The following GDI2 variants were observed in gnomAD, a reference collection of about 807,000 sequenced individuals.
GDI2 encodes rab GDP dissociation inhibitor beta.
GDI2 carries 22 observed loss-of-function variants against 54.2 expected under a neutral mutation model. The observed-to-expected ratio is 0.41, with a 90% CI of 0.29 to 0.58. The LOEUF (loss-of-function observed/expected upper bound fraction) is 0.58. Among genes scored for constraint, GDI2 ranks in the 20% least tolerant of loss-of-function variants. The probability of loss-of-function intolerance (pLI) is 0.35; values close to 1 mark genes in which losing one functional copy is unlikely to be tolerated. For synonymous variants in GDI2, 177 were observed against 182.1 expected (o/e 0.97, Z 0.23); for missense variants, 422 against 546.0 (o/e 0.77, Z 2.26).
chr10:5,812,241 A>G (rs1588993865), intron 1 of GDI2, among the ~76,000 whole-genome samples: 1 of 152,214 alleles, frequency 6.6e-6, no homozygotes, highest in African/African-American at 2.4e-5. Flanking sequence ...AGTACAAACT[A>G]CAGAACCTGC....
intron 7 of GDI2, chr10:5,769,266 A>C (rs1020023678): frequency 5.3e-5 from 8 of 152,120 alleles, no homozygotes; most frequent in African/African-American, 1.9e-4. Flanking sequence ...AACAAAAAAA[A>C]CCCTGATTCA....
At chr10:5,778,164 A>G (rs1250534433) in intron 6 of GDI2, among the ~76,000 whole-genome samples, 1 of 152,198 alleles carries the variant, frequency 6.6e-6, no homozygotes, top group Admixed American at 6.5e-5. Context: ...GGATAGCACT[A>G]GAAGTACCTA....
At chr10:5,812,896 C>T (rs1248405264) in intron 1 of GDI2, among the ~76,000 whole-genome samples, 1 of 152,216 alleles carries the variant, frequency 6.6e-6, no homozygotes, top group African/African-American at 2.4e-5. Flanking sequence ...GGACCCTTGG[C>T]CCGGGCGGCC....
rs377006799 is a variant in GDI2, at chr10:5,768,224, T to C, written c.980A>G (p.Asn327Ser). ...TCTTCAAACCTCACCTGACTTTCGA[T>C]TGACTTGGTTCTGTGGAATAATGAT... ...CQIIIPQNQV[N>S]RKSDIYVCMI... The change falls in exon 8 of 11, where the codon AAT (asparagine) becomes AGT (serine). Residue 327 changes from asparagine (N) to serine (S), a missense_variant. Coordinates refer to ENST00000380191, the MANE Select transcript of GDI2 (RefSeq NM_001494.4). The surrounding 1 kb of genome is among the most constrained non-coding windows in gnomAD (Gnocchi z 4.4). 1.1e-5 allele frequency: 18 copies of C among 1,612,480 alleles called. No homozygotes were observed. The highest frequency in any genetic ancestry group is 7.7e-5 in the South Asian group (7 of 90,968).
chr10:5,773,495 G>A (rs539565829), intron 7 of GDI2, among the ~76,000 whole-genome samples: 17 of 151,922 alleles, frequency 1.1e-4, no homozygotes, highest in African/African-American at 1.7e-4. Flanking sequence ...ATTCACATTT[G>A]AGAAATGCTG....
At chr10:5,769,246 C>A (rs1840430771) in intron 7 of GDI2, 1 of 151,986 alleles carries the variant, frequency 6.6e-6, no homozygotes, top group Admixed American at 6.6e-5. Flanking sequence ...TCAAGAACTC[C>A]TAAAACAACA....
In GDI2 at chr10:5,766,444, A is replaced by G. The variant is rs777468760; in HGVS notation, c.1136+50T>C. 2.5e-6 allele frequency: 4 copies of G among 1,604,990 alleles called. No homozygotes were observed. Among genetic ancestry groups the G allele is most frequent in the South Asian group, 2.2e-5 (2 of 90,864 alleles). On this transcript the variant is annotated intron_variant, in intron 9 of 10. Coordinates refer to ENST00000380191, the MANE Select transcript of GDI2 (RefSeq NM_001494.4). The surrounding 1 kb of genome is among the most constrained non-coding windows in gnomAD (Gnocchi z 5.8). Reference sequence around the variant, plus strand: ...ACATTCGTCCCACCATGGAGCCACAATCAAAGGCCTCAGTTTGCATCTCGG... The same window carrying G: ...ACATTCGTCCCACCATGGAGCCACAGTCAAAGGCCTCAGTTTGCATCTCGG...
rs374553844 is a variant in GDI2 at position 5,768,417 on chromosome 10, G to A, written c.820-33C>T. 239 of 1,427,584 alleles carry A rather than the reference G, an allele frequency of 1.7e-4. No individual in the cohort carries two copies. The highest frequency in any genetic ancestry group is 2.2e-4 in the African/African-American group (16 of 71,364). 88.4% of individuals were successfully genotyped at this position (1,427,584 alleles called of 1,614,324 possible). A position where few individuals can be genotyped will look rare whatever the true frequency, so the allele number is the denominator to read the frequency against. On this transcript the variant is annotated intron_variant, in intron 7 of 10. Transcript: ENST00000380191. The surrounding 1 kb of genome is among the most constrained non-coding windows in gnomAD (Gnocchi z 4.4). ...AAAGCATTTAAGAAGACACTGAAGC[G>A]GACAAGGATATAGGGAAACACATCC...
At chr10:5,791,523 G>A (rs147854291) in intron 4 of GDI2, among the ~76,000 whole-genome samples, 216 of 152,118 alleles carry the variant, frequency 1.4e-3, no homozygotes, top group African/African-American at 4.9e-3. Context: ...CAAGGCGGAC[G>A]GATCATCTGA....
intron 4 of GDI2, among the ~76,000 whole-genome samples, chr10:5,790,433 CAGA>C (rs941365910): frequency 6.6e-6 from 1 of 152,058 alleles, no homozygotes; most frequent in African/African-American, 2.4e-5. Flanking sequence ...CACCTGAAAT[CAGA>C]AGTTCAAGAC....
intron 1 of GDI2, 36 bp from the exon 2 acceptor site, chr10:5,800,741 C>A: frequency 1.0e-6 from 1 of 998,226 alleles, no homozygotes; most frequent in South Asian, 1.3e-5. Flanking sequence ...AAAGAAAGTT[C>A]TACAGCATAT....
At chr10:5,804,275 G>A (rs909673994) in intron 1 of GDI2, among the ~76,000 whole-genome samples, 1 of 152,006 alleles carries the variant, frequency 6.6e-6, no homozygotes, top group Non-Finnish European at 1.5e-5. Context: ...TGTATTTTTA[G>A]TAGAGATGGG....
intron 6 of GDI2, among the ~76,000 whole-genome samples, chr10:5,779,515 A>G (rs1840704201): frequency 6.6e-6 from 1 of 151,608 alleles, no homozygotes; most frequent in South Asian, 2.1e-4. Context: ...AAAAAATAAG[A>G]AAAAATAAAA....
chr10:5,795,436 A>G (rs745947213), intron 3 of GDI2, among the ~76,000 whole-genome samples: 10 of 152,122 alleles, frequency 6.6e-5, no homozygotes, highest in Non-Finnish European at 1.3e-4. Flanking sequence ...TAACCTCCAA[A>G]GCTGTATTTT....
At chr10:5,797,140 T>C (rs193030549) in intron 2 of GDI2, among the ~76,000 whole-genome samples, 48 of 152,322 alleles carry the variant, frequency 3.2e-4, no homozygotes, top group African/African-American at 9.1e-4. Context: ...CCAGACGCAA[T>C]GGCTCATGCC....
At chr10:5,805,914 C>T (rs1054912956) in intron 1 of GDI2, among the ~76,000 whole-genome samples, 2 of 152,208 alleles carry the variant, frequency 1.3e-5, no homozygotes, top group East Asian at 1.9e-4. Context: ...CAGCTGTAGA[C>T]GATTCCACTG....
Position 5,773,896 on chromosome 10 carries a change from A to C in GDI2, c.765T>G (p.Ile255Met). ...TTCCATTCTGTACAATGATTTCTTC[A>C]ATGGGTTTATTCAGCATATAGGTAC... ...YGGTYMLNKPIEEIIVQNGKV... is the reference protein window; with the variant it reads ...YGGTYMLNKPMEEIIVQNGKV... Residue 255 changes from isoleucine to methionine, a missense_variant, in exon 7 of 11, where the codon ATT becomes ATG. Ile to Met is a conservative substitution (Grantham distance 10). Coordinates refer to ENST00000380191, the MANE Select transcript of GDI2 (RefSeq NM_001494.4). 6.4e-7 allele frequency: 1 copy of C among 1,567,526 alleles called. No homozygotes were observed.
intron 6 of GDI2, among the ~76,000 whole-genome samples, chr10:5,775,454 T>C (rs907116541): frequency 2.6e-5 from 4 of 152,184 alleles, no homozygotes; most frequent in African/African-American, 9.7e-5. Flanking sequence ...CCTTGCAACA[T>C]GGTACAGCTA....
At chr10:5,795,937 AAAAC>A (rs1841138462) in intron 3 of GDI2, among the ~76,000 whole-genome samples, 1 of 99,708 alleles carries the variant, frequency 1.0e-5, no homozygotes, top group Non-Finnish European at 2.6e-5. Flanking sequence ...AAAATTAATA[AAAAC>A]AAACAATAGA....
Sources: allele counts gnomAD v4.1 joint callset (sites outside exome capture counted in the v4.1 genomes callset), GRCh38; gene constraint gnomAD v4.1.1; non-coding constraint Gnocchi (gnomAD v3.1); transcripts MANE v1.5; gene names NCBI Gene and HGNC (gene_info 2026-07-23, HGNC 2026-07-21).